MYO1H: variants seen among roughly 807,000 people sequenced by gnomAD.
MYO1H encodes myosin IH.
In MYO1H, 118 loss-of-function variants were observed where a neutral mutation model predicts 149.3. The observed-to-expected ratio is 0.79, with a 90% confidence interval of 0.68 to 0.92. MYO1H has a LOEUF of 0.92. Among genes scored for constraint, MYO1H ranks in the 40% least tolerant of loss-of-function variants. The probability of loss-of-function intolerance (pLI) is 0.00; values close to 1 mark genes in which losing one functional copy is unlikely to be tolerated. For missense variants in MYO1H, 1,212 were observed against 1,280.7 expected (o/e 0.95, Z 0.82); for synonymous variants, 447 against 465.2 (o/e 0.96, Z 0.50).
intron 1 of MYO1H, among the ~76,000 whole-genome samples, chr12:109,355,684 T>G (rs1376443456): frequency 6.6e-6 from 1 of 151,858 alleles, no homozygotes; most frequent in Non-Finnish European, 1.5e-5. Flanking sequence ...TGTTTTTGTT[T>G]TGTTTTGTTT....
intron 1 of MYO1H, among the ~76,000 whole-genome samples, chr12:109,377,681 A>G (rs1273228583): frequency 6.6e-6 from 1 of 152,218 alleles, no homozygotes; most frequent in Non-Finnish European, 1.5e-5. Flanking sequence ...ATTTTCTCCT[A>G]TAGCAGTCTT....
At chr12:109,392,901 CTGGGTT>C (rs1869716203) in intron 2 of MYO1H, among the ~76,000 whole-genome samples, 1 of 151,658 alleles carries the variant, frequency 6.6e-6, no homozygotes, top group Non-Finnish European at 1.5e-5. Flanking sequence ...CCTCCGCCTC[CTGGGTT>C]CAAGAGATTC....
chr12:109,333,949 T>G, the MYO1H span, among the ~76,000 whole-genome samples: 2 of 152,136 alleles, frequency 1.3e-5, no homozygotes, highest in East Asian at 1.9e-4. Context: ...TAAATTTTAT[T>G]TATTACTTAT....
At chr12:109,436,521 T>G in exon 22 of MYO1H, 1 of 1,611,298 alleles carries the variant, frequency 6.2e-7, no homozygotes, top group South Asian at 1.1e-5. Context: ...AAACGCTGCC[T>G]AGGAAGGAGA....
intron 13 of MYO1H, among the ~76,000 whole-genome samples, chr12:109,411,492 A>G (rs6606711): frequency 0.45 from 68,555 of 152,064 alleles, 17,016 homozygotes; most frequent in African/African-American, 0.65. Flanking sequence ...AAATATAAAA[A>G]CTTCGACTTA....
intron 18 of MYO1H, 147 bp downstream of exon 18, chr12:109,426,198 G>A (rs752489715): frequency 1.5e-6 from 1 of 673,690 alleles, no homozygotes; most frequent in Non-Finnish European, 2.7e-6. Context: ...AATGATAGAA[G>A]TTGGCCAGAT....
At chr12:109,345,130 G>A (rs1198444441), upstream of MYO1H, among the ~76,000 whole-genome samples, 1 of 152,158 alleles carries the variant, frequency 6.6e-6, no homozygotes, top group Non-Finnish European at 1.5e-5. Context: ...TAAGTCTTTT[G>A]TGTTTCAAAG....
At chr12:109,348,555 C>T (rs994994418) in intron 1 of MYO1H, among the ~76,000 whole-genome samples, 5 of 152,108 alleles carry the variant, frequency 3.3e-5, no homozygotes, top group African/African-American at 1.2e-4. Flanking sequence ...TGCGATAAGC[C>T]CAACTTGTCC....
intron 15 of MYO1H, among the ~76,000 whole-genome samples, chr12:109,418,756 A>G (rs7959297): frequency 0.17 from 26,271 of 151,714 alleles, 2,636 homozygotes; most frequent in African/African-American, 0.27. Context: ...ATGTTGGCCA[A>G]GATGGTCTCG....
rs1321000533 is a variant in MYO1H, at chr12:109,407,926, A to AT, written c.1155+17dup. ...CTTAGTTAACAAGGTTGGTCAACGC[A>AT]TTTTGGATCCCTTGCTCTTGCTCAC... On this transcript the variant is annotated intron_variant, in intron 10 of 31. Coordinates refer to ENST00000310903, the Ensembl canonical transcript of MYO1H. 1 of 1,613,590 alleles carries AT rather than the reference A, an allele frequency of 6.2e-7. No individual in the cohort carries two copies. Among genetic ancestry groups the AT allele is most frequent in the Non-Finnish European group, 8.5e-7 (1 of 1,179,838 alleles).
chr12:109,422,297 C>T (rs1363528613), intron 16 of MYO1H, among the ~76,000 whole-genome samples: 1 of 152,160 alleles, frequency 6.6e-6, no homozygotes, highest in East Asian at 1.9e-4. Flanking sequence ...CTTTCTCTGC[C>T]ACTTCTGGGA....
the MYO1H span, among the ~76,000 whole-genome samples, chr12:109,312,644 G>T: frequency 6.6e-6 from 1 of 152,156 alleles, no homozygotes; most frequent in South Asian, 2.1e-4. Context: ...AGGAGGAAAA[G>T]GGAGTGAGGT....
intron 16 of MYO1H, among the ~76,000 whole-genome samples, chr12:109,421,886 C>T (rs1029950880): frequency 6.6e-5 from 10 of 152,126 alleles, no homozygotes; most frequent in African/African-American, 1.9e-4. Context: ...AGTGCAGTGA[C>T]GTCATCATTG....
chr12:109,423,534 T>C (rs1425211347), intron 16 of MYO1H, among the ~76,000 whole-genome samples: 1 of 152,226 alleles, frequency 6.6e-6, no homozygotes, highest in Non-Finnish European at 1.5e-5. Context: ...GTTGATCTCC[T>C]GAACTCTTTT....
rs1566031713 is a variant in MYO1H at position 109,409,225 on chromosome 12, T to TTC, written c.1156-331_1156-330insCT. Among the ~76,000 whole-genome samples, 30 of 105,110 alleles carry TTC rather than the reference T, an allele frequency of 2.9e-4. 1 individual carries two copies. Among genetic ancestry groups the TTC allele is most frequent in the African/African-American group, 1.2e-3 (29 of 24,874 alleles). The allele number at this position is 105,110 out of a possible 152,430, so 69.0% of individuals were successfully genotyped here. A position where few individuals can be genotyped will look rare whatever the true frequency, so the allele number is the denominator to read the frequency against. On this transcript the variant is annotated intron_variant, in intron 10 of 31. Transcript: ENST00000310903. ...TCTCCTTCTTCTTCTCCTTCTTCTTTTTCTTCTTCTTCTTCTTCTTCTTTT... is the reference window on the plus strand; with the variant it reads ...TCTCCTTCTTCTTCTCCTTCTTCTTTTCTTCTTCTTCTTCTTCTTCTTCTTTT...
intron 19 of MYO1H, among the ~76,000 whole-genome samples, chr12:109,432,542 C>T (rs879407795): frequency 1.3e-5 from 2 of 152,176 alleles, no homozygotes; most frequent in Non-Finnish European, 2.9e-5. Flanking sequence ...GCACCATGCA[C>T]TGCTACACCC....
the MYO1H span, among the ~76,000 whole-genome samples, chr12:109,322,322 C>T: frequency 4.6e-5 from 7 of 152,238 alleles, no homozygotes; most frequent in Admixed American, 2.6e-4. Flanking sequence ...AGACAAAGAA[C>T]GAAGGGGTCC....
At chr12:109,379,438 T>G (rs1869154219) in intron 1 of MYO1H, among the ~76,000 whole-genome samples, 2 of 152,170 alleles carry the variant, frequency 1.3e-5, no homozygotes, top group South Asian at 4.1e-4. Context: ...CTATTGAGCG[T>G]TTTTTGCTAT....
intron 2 of MYO1H, 42 bp from the exon 3 acceptor site, chr12:109,393,289 C>T: frequency 8.1e-7 from 1 of 1,233,312 alleles, no homozygotes; most frequent in Non-Finnish European, 1.2e-6. Context: ...CAGTCTTTTG[C>T]ACCCCAGAAT....
Sources: gnomAD v4.1 joint callset for allele counts (sites outside exome capture counted in the v4.1 genomes callset) on GRCh38, gnomAD v4.1.1 for gene constraint, MANE v1.5 for transcripts, NCBI Gene and HGNC (gene_info 2026-07-23, HGNC 2026-07-21) for gene names.